The following TRABD2A variants were observed in gnomAD, a reference collection of about 807,000 sequenced individuals.
The protein encoded by TRABD2A is metalloprotease TIKI1.
In TRABD2A, 43 loss-of-function variants were observed where a neutral mutation model predicts 45.6. That is an observed-to-expected ratio of 0.94 (90% confidence interval 0.74 to 1.22). TRABD2A has a LOEUF of 1.22. Among genes scored for constraint, TRABD2A ranks in the 50% most tolerant of loss-of-function variants. The pLI is 0.00. For missense variants in TRABD2A, 642 were observed against 652.4 expected (o/e 0.98, Z 0.17); for synonymous variants, 269 against 265.0 (o/e 1.02, Z -0.15).
rs1422462164 is a variant in TRABD2A, at chr2:84,870,318, A to G, written c.576T>C (p.Leu192=). The change falls in exon 2 of 7, where the codon CTT becomes CTC. Residue 192 remains leucine (L), a synonymous_variant. Coordinates refer to ENST00000409520, the MANE Select transcript of TRABD2A (RefSeq NM_001277053.2). ...SRGVPVLDLF[L]AQEAERLRKQ... The stretch of plus-strand genomic sequence containing the variant: ...TCCTCAGCCGCTCAGCCTCCTGGGC[A>G]AGGAACAGGTCTAAGACAGGCACTC... 6.2e-7 allele frequency: 1 copy of G among 1,614,028 alleles called. No individual in the cohort carries two copies. The highest frequency in any genetic ancestry group is 2.2e-5 in the East Asian group (1 of 44,880).
chr2:84,842,636 A>G (rs11676067), intron 2 of TRABD2A, among the ~76,000 whole-genome samples: 46,179 of 151,478 alleles, frequency 0.3, 7,424 homozygotes, highest in African/African-American at 0.41. Flanking sequence ...GGCTAAGGCT[A>G]GAGAATCGTT....
chr2:84,855,799 C>G (rs1165981738), intron 2 of TRABD2A, among the ~76,000 whole-genome samples: 1 of 152,170 alleles, frequency 6.6e-6, no homozygotes, highest in African/African-American at 2.4e-5. Flanking sequence ...AGACCCAAGT[C>G]CCAGTTGGGG....
intron 6 of TRABD2A, among the ~76,000 whole-genome samples, chr2:84,822,537 T>C (rs1573911341): frequency 6.6e-6 from 1 of 152,268 alleles, no homozygotes; most frequent in African/African-American, 2.4e-5. Context: ...GTGCACAGCA[T>C]ATAGGCATAC....
intron 1 of TRABD2A, chr2:84,879,486 G>T: frequency 6.8e-6 from 4 of 588,692 alleles, no homozygotes; most frequent in Non-Finnish European, 8.6e-6. Flanking sequence ...GGGCTTCTTT[G>T]ATAATTTTTT....
chr2:84,853,025 C>T (rs557188489), intron 2 of TRABD2A, among the ~76,000 whole-genome samples: 1 of 152,180 alleles, frequency 6.6e-6, no homozygotes, highest in East Asian at 1.9e-4. Flanking sequence ...ATATGTTCAT[C>T]CTAACCCCCA....
intron 2 of TRABD2A, among the ~76,000 whole-genome samples, chr2:84,846,573 G>A (rs1529385): frequency 0.26 from 39,168 of 152,138 alleles, 5,443 homozygotes; most frequent in Middle Eastern, 0.41. Context: ...CACAGTGGTC[G>A]CTGTATGTCC....
At chr2:84,855,478 C>T (rs894340746) in intron 2 of TRABD2A, among the ~76,000 whole-genome samples, 2 of 152,076 alleles carry the variant, frequency 1.3e-5, no homozygotes, top group East Asian at 1.9e-4. Flanking sequence ...ATAATCATGG[C>T]TTATCATCAG....
chr2:84,828,947 A>T (rs1681230427), intron 5 of TRABD2A, among the ~76,000 whole-genome samples: 1 of 152,134 alleles, frequency 6.6e-6, no homozygotes, highest in Non-Finnish European at 1.5e-5. Flanking sequence ...GTGGGTAGGG[A>T]AAGGATCTCT....
rs145299520 is a variant in TRABD2A, at chr2:84,832,202, C to G, written c.992-57G>C. 143 of 1,563,802 alleles carry G rather than the reference C, an allele frequency of 9.1e-5. 1 individual carries two copies. The African/African-American group carries it at 1.7e-3, about 19-fold the overall frequency. The stretch of plus-strand genomic sequence containing the variant: ...AGCTCTCAGGACCACCAAACATACT[C>G]CCCAAACACACACCCTAGAACCAAG... On this transcript the variant is annotated intron_variant, in intron 4 of 6. Coordinates refer to ENST00000409520, the MANE Select transcript of TRABD2A (RefSeq NM_001277053.2).
At chr2:84,855,551 C>A (rs11677080) in intron 2 of TRABD2A, among the ~76,000 whole-genome samples, 29,190 of 152,036 alleles carry the variant, frequency 0.19, 3,428 homozygotes, top group African/African-American at 0.32. Flanking sequence ...GCCTTCTGAA[C>A]GTTGTGCTCA....
chr2:84,863,149 TAATACATAG>T (rs1682552495), intron 2 of TRABD2A, among the ~76,000 whole-genome samples: 1 of 149,902 alleles, frequency 6.7e-6, no homozygotes, highest in South Asian at 2.1e-4. Context: ...GAACAGGAAA[TAATACATAG>T]CAGTGTTGGG....
At chr2:84,872,271 G>A (rs1215252056) in intron 1 of TRABD2A, among the ~76,000 whole-genome samples, 3 of 152,186 alleles carry the variant, frequency 2.0e-5, no homozygotes, top group Non-Finnish European at 4.4e-5. Flanking sequence ...GTACTTTAGA[G>A]GCTGAGGCAG....
chr2:84,839,030 C>A, intron 4 of TRABD2A, 119 bp downstream of exon 4: 1 of 1,143,256 alleles, frequency 8.7e-7, no homozygotes, highest in South Asian at 1.6e-5. Flanking sequence ...AGGAAGGTGT[C>A]ACTCCCTTCA....
At chr2:84,861,207 G>A (rs1182787136) in intron 2 of TRABD2A, among the ~76,000 whole-genome samples, 1 of 152,132 alleles carries the variant, frequency 6.6e-6, no homozygotes, top group Non-Finnish European at 1.5e-5. Context: ...TGCTGTTGGG[G>A]GAGTGTTTTG....
chr2:84,867,067 CA>C (rs201066672), intron 2 of TRABD2A, among the ~76,000 whole-genome samples: 75 of 138,844 alleles, frequency 5.4e-4, no homozygotes, highest in Admixed American at 9.4e-4. Context: ...GACTCTGTCT[CA>C]AAAAAAAAAA....
intron 5 of TRABD2A, among the ~76,000 whole-genome samples, 178 bp from the exon 6 acceptor site, chr2:84,824,382 A>G (rs1315170148): frequency 6.6e-6 from 1 of 151,650 alleles, no homozygotes; most frequent in Non-Finnish European, 1.5e-5. Context: ...TATCTCTTTG[A>G]CGCCTTTTTT....
intron 2 of TRABD2A, among the ~76,000 whole-genome samples, chr2:84,862,221 G>A: frequency 6.6e-6 from 1 of 152,232 alleles, no homozygotes. Flanking sequence ...TCTCCCCCAA[G>A]TGGGGTAGAC....
chr2:84,870,844 C>T, intron 1 of TRABD2A, 59 bp from the exon 2 acceptor site: 1 of 1,422,864 alleles, frequency 7.0e-7, no homozygotes, highest in African/African-American at 1.4e-5. Flanking sequence ...GGTCAGGAAC[C>T]TGTGAGAGGA....
intron 1 of TRABD2A, among the ~76,000 whole-genome samples, chr2:84,875,774 C>T (rs1683005854): frequency 6.6e-6 from 1 of 152,162 alleles, no homozygotes; most frequent in Non-Finnish European, 1.5e-5. Flanking sequence ...CTTTGGGAAG[C>T]TTGAGCCCAA....
Sources: allele counts gnomAD v4.1 joint callset (sites outside exome capture counted in the v4.1 genomes callset), GRCh38; gene constraint gnomAD v4.1.1; transcripts MANE v1.5; gene names NCBI Gene and HGNC (gene_info 2026-07-23, HGNC 2026-07-21).